CAND1: variants seen among roughly 807,000 people sequenced by gnomAD.
CAND1 encodes cullin-associated NEDD8-dissociated protein 1.
CAND1 carries 7 observed loss-of-function variants against 108.5 expected under a neutral mutation model. The observed-to-expected ratio is 0.06, with a 90% CI of 0.04 to 0.12. The LOEUF (loss-of-function observed/expected upper bound fraction) is 0.12. Ranked by LOEUF, CAND1 falls within the 10% of genes least tolerant of loss-of-function variation. CAND1 has a pLI of 1.00. For missense variants in CAND1, 941 were observed against 1,448.7 expected (o/e 0.65, Z 5.69); for synonymous variants, 534 against 512.0 (o/e 1.04, Z -0.58).
At chr12:67,309,650 C>T (rs1857617402) in intron 11 of CAND1, among the ~76,000 whole-genome samples, 1 of 151,908 alleles carries the variant, frequency 6.6e-6, no homozygotes, top group South Asian at 2.1e-4. Flanking sequence ...TTCTTCCATA[C>T]CCTCTGCATT....
At chr12:67,293,394 G>C (rs527369246) in intron 3 of CAND1, among the ~76,000 whole-genome samples, 1 of 152,358 alleles carries the variant, frequency 6.6e-6, no homozygotes, top group African/African-American at 2.4e-5. Flanking sequence ...TAGGCTAAAA[G>C]TTTTTGTCTC....
In CAND1 at chr12:67,279,818, T is replaced by G. The variant is rs141614269; in HGVS notation, c.69-2092T>G. ...ACAGGACCATAAAACAACTTTTTAC[T>G]TGGGATTATGTTTTTCTACTTAAAT... On this transcript the variant is annotated intron_variant, in intron 1 of 14. Coordinates refer to ENST00000545606, the MANE Select transcript of CAND1 (RefSeq NM_018448.5). Among the ~76,000 whole-genome samples, 1,421 of 152,320 alleles carry G rather than the reference T, an allele frequency of 9.3e-3. 29 individuals are homozygous for G. The highest frequency in any genetic ancestry group is 0.032 in the African/African-American group (1,346 of 41,554).
intron 1 of CAND1, among the ~76,000 whole-genome samples, chr12:67,277,797 A>C (rs749162807): frequency 6.6e-5 from 10 of 152,220 alleles, no homozygotes; most frequent in Non-Finnish European, 8.8e-5. Flanking sequence ...ATGAGAATCA[A>C]CTGTATGTCA....
intron 1 of CAND1, among the ~76,000 whole-genome samples, chr12:67,279,095 C>G (rs1321859154): frequency 6.6e-6 from 1 of 151,758 alleles, no homozygotes; most frequent in African/African-American, 2.4e-5. Context: ...CCATCATCTT[C>G]CTATTAGGTT....
At position 67,314,632 on chromosome 12, in the gene CAND1, C is replaced by T. The variant is rs958537128; in HGVS notation, c.*1802C>T. 2 of 152,194 alleles carry T rather than the reference C, an allele frequency of 1.3e-5. No individual in the cohort carries two copies. Among genetic ancestry groups the T allele is most frequent in the African/African-American group, 2.4e-5 (1 of 41,448 alleles). The allele number at this position is 152,194 out of a possible 1,614,324, so 9.4% of individuals were successfully genotyped here. On this transcript the variant is annotated 3_prime_UTR_variant, in exon 15 of 15. Transcript: ENST00000545606. The stretch of plus-strand genomic sequence containing the variant: ...GCTCTAGGACTGAACAGGAGACTGA[C>T]ATGCATATGTTGTGTGAATGTCTTA...
rs1330956731 is a variant in CAND1 at position 67,316,264 on chromosome 12, A to G, written c.*3434A>G. On this transcript the variant is annotated 3_prime_UTR_variant, in exon 15 of 15. Transcript: ENST00000545606. Reference sequence around the variant, plus strand: ...TAACTGACTTTTCCATTTAAATAAAATTCATTTGATAATTTTGGTTGCAAA... The same window carrying G: ...TAACTGACTTTTCCATTTAAATAAAGTTCATTTGATAATTTTGGTTGCAAA... The G allele has an allele frequency of 1.3e-5, 2 of 152,242 alleles. No homozygotes were observed. Among genetic ancestry groups the G allele is most frequent in the African/African-American group, 2.4e-5 (1 of 41,460 alleles). The allele number at this position is 152,242 out of a possible 1,614,324, so 9.4% of individuals were successfully genotyped here. A position where few individuals can be genotyped will look rare whatever the true frequency, so the allele number is the denominator to read the frequency against.
At chr12:67,292,560 T>C (rs1435956703) in intron 2 of CAND1, 62 bp from the exon 3 acceptor site, 11 of 1,187,028 alleles carry the variant, frequency 9.3e-6, no homozygotes, top group Admixed American at 4.9e-5. Flanking sequence ...TTTCTACTTA[T>C]GTATTTTCCT....
At chr12:67,285,460 A>G (rs2044661744) in intron 2 of CAND1, among the ~76,000 whole-genome samples, 1 of 152,178 alleles carries the variant, frequency 6.6e-6, no homozygotes, top group African/African-American at 2.4e-5. Context: ...TGTGCTGAAG[A>G]TAGTTAAGAA....
Position 67,314,015 on chromosome 12 carries a change from A to T in CAND1, c.*1185A>T, listed in dbSNP as rs1402966192. On this transcript the variant is annotated 3_prime_UTR_variant, in exon 15 of 15. Transcript: ENST00000545606. ...GGGAACAAAGCTTTTGCAGTACCTT[A>T]TATTGTAGTTAAAATTTTATTTAAC... The T allele has an allele frequency of 6.6e-6, 1 of 152,552 alleles. No individual in the cohort carries two copies. Among genetic ancestry groups the T allele is most frequent in the African/African-American group, 2.4e-5 (1 of 41,434 alleles). 9.4% of individuals were successfully genotyped at this position (152,552 alleles called of 1,614,324 possible). A position where few individuals can be genotyped will look rare whatever the true frequency, so the allele number is the denominator to read the frequency against.
intron 4 of CAND1, among the ~76,000 whole-genome samples, chr12:67,295,548 C>T (rs968575064): frequency 3.3e-5 from 5 of 152,010 alleles, no homozygotes; most frequent in African/African-American, 1.2e-4. Flanking sequence ...ATTAATAGTG[C>T]ATATTTTAGG....
At chr12:67,286,704 G>T (rs1260356818) in intron 2 of CAND1, among the ~76,000 whole-genome samples, 1 of 151,682 alleles carries the variant, frequency 6.6e-6, no homozygotes, top group Non-Finnish European at 1.5e-5. Context: ...TTCTTTTATG[G>T]TTATTGTTTT....
intron 1 of CAND1, among the ~76,000 whole-genome samples, chr12:67,272,507 G>T (rs2044529693): frequency 6.6e-6 from 1 of 152,150 alleles, no homozygotes; most frequent in Non-Finnish European, 1.5e-5. Context: ...CATTTTAAAA[G>T]AATCTTTTTG....
intron 3 of CAND1, 41 bp from the exon 4 acceptor site, chr12:67,294,992 A>T (rs755399020): frequency 1.3e-6 from 2 of 1,593,796 alleles, no homozygotes; most frequent in Admixed American, 3.4e-5. Context: ...GGAATTCAAC[A>T]TGCTTGCCTT....
chr12:67,290,477 C>T (rs898771427), intron 2 of CAND1, among the ~76,000 whole-genome samples: 1 of 151,864 alleles, frequency 6.6e-6, no homozygotes, highest in Non-Finnish European at 1.5e-5. Flanking sequence ...CACCACTGCA[C>T]TCCAGCCTGG....
At position 67,280,678 on chromosome 12, in the gene CAND1, A is replaced by T. The variant is rs899909399; in HGVS notation, c.69-1232A>T. ...TGATTATCTCATATTCTGAGAAATC[A>T]CTTTTAAAACAATGAATTGTTTGGT... On this transcript the variant is annotated intron_variant, in intron 1 of 14. Transcript: ENST00000545606. Among the ~76,000 whole-genome samples the T allele has an allele frequency of 2.6e-5, 4 of 152,220 alleles. No individual in the cohort carries two copies. In the South Asian group the frequency reaches 8.3e-4, roughly 32 times the overall value.
chr12:67,310,564 T>C, intron 13 of CAND1: 1 of 312,458 alleles, frequency 3.2e-6, no homozygotes, highest in Non-Finnish European at 6.0e-6. Flanking sequence ...GTGTGCCCAC[T>C]TGCTTAGTGA....
chr12:67,282,514 C>T (rs779042128), intron 2 of CAND1, among the ~76,000 whole-genome samples: 12 of 151,784 alleles, frequency 7.9e-5, no homozygotes, highest in South Asian at 4.2e-4. Flanking sequence ...GATCACAGCT[C>T]GCTGCAGCCT....
chr12:67,292,439 C>T (rs766698331), intron 2 of CAND1, among the ~76,000 whole-genome samples, 183 bp from the exon 3 acceptor site: 61 of 152,142 alleles, frequency 4.0e-4, no homozygotes, highest in Non-Finnish European at 7.8e-4. Flanking sequence ...AACTTGGAAA[C>T]CAACTGCAAA....
chr12:67,272,817 C>T (rs2044533277), intron 1 of CAND1, among the ~76,000 whole-genome samples: 1 of 152,152 alleles, frequency 6.6e-6, no homozygotes, highest in African/African-American at 2.4e-5. Flanking sequence ...TTGCCTCAGC[C>T]TCCCAAGTAG....
Sources: allele counts gnomAD v4.1 joint callset (sites outside exome capture counted in the v4.1 genomes callset), GRCh38; gene constraint gnomAD v4.1.1; transcripts MANE v1.5; gene names NCBI Gene and HGNC (gene_info 2026-07-23, HGNC 2026-07-21).